The following BCL2L14 variants were observed in gnomAD, a reference collection of about 807,000 sequenced individuals.
BCL2L14 encodes the protein apoptosis facilitator Bcl-2-like protein 14.
BCL2L14 carries 27 observed loss-of-function variants against 35.3 expected under a neutral mutation model. That is an observed-to-expected ratio of 0.76 (90% CI 0.56 to 1.05). The LOEUF (loss-of-function observed/expected upper bound fraction) is 1.05, where lower values mean the gene tolerates loss of function less well. Among genes scored for constraint, BCL2L14 ranks in the 50% least tolerant of loss-of-function variants. The probability of loss-of-function intolerance (pLI) is 0.00; values close to 1 mark genes in which losing one functional copy is unlikely to be tolerated. For synonymous variants in BCL2L14, 139 were observed against 145.9 expected (o/e 0.95, Z 0.34); for missense variants, 377 against 382.6 (o/e 0.99, Z 0.12).
intron 2 of BCL2L14, among the ~76,000 whole-genome samples, chr12:12,061,749 G>C (rs368282603): frequency 0.021 from 3,197 of 151,518 alleles, 125 homozygotes; most frequent in African/African-American, 0.072. Context: ...TGTACTGCCG[G>C]AAGGCTTCAC....
At chr12:12,079,924 C>G (rs4763777) in intron 2 of BCL2L14, among the ~76,000 whole-genome samples, 186 bp downstream of exon 2, 64,277 of 152,130 alleles carry the variant, frequency 0.42, 13,951 homozygotes, top group East Asian at 0.64. Context: ...GGAGTTGCTG[C>G]CTGGGCGCGG....
chr12:12,057,397 GCCCATT>G (rs1948448538), intron 2 of BCL2L14, among the ~76,000 whole-genome samples: 1 of 152,078 alleles, frequency 6.6e-6, no homozygotes, highest in Admixed American at 6.6e-5. Flanking sequence ...TAATCTCTTT[GCCCATT>G]GCAAATCTTT....
intron 2 of BCL2L14, among the ~76,000 whole-genome samples, chr12:12,081,857 G>A (rs923000173): frequency 6.6e-6 from 1 of 152,034 alleles, no homozygotes; most frequent in Admixed American, 6.6e-5. Context: ...GCACCCAGCC[G>A]CAAAGCCAGA....
At chr12:12,072,560 A>C (rs561319429) in intron 1 of BCL2L14, 3 of 152,340 alleles carry the variant, frequency 2.0e-5, no homozygotes, top group Admixed American at 6.5e-5. Context: ...TGCGGCCCTG[A>C]ATTAGAATAA....
Position 12,084,225 on chromosome 12 carries a change from C to T in BCL2L14, c.434-2988C>T, listed in dbSNP as rs186546836. The stretch of plus-strand genomic sequence containing the variant: ...GGCCTCGCCTTGGCCTCCCAAAATG[C>T]TGGGATTACGGGCGTGAGCCACCGC... On this transcript the variant is annotated intron_variant, in intron 2 of 5. Transcript: ENST00000308721. Among the ~76,000 whole-genome samples, 137 of 152,318 alleles carry T rather than the reference C, an allele frequency of 9.0e-4. 1 individual carries two copies. Among genetic ancestry groups the T allele is most frequent in the Middle Eastern group, 3.4e-3 (1 of 294 alleles).
chr12:12,090,690 A>T, intron 3 of BCL2L14, 89 bp from the exon 4 acceptor site: 1 of 980,394 alleles, frequency 1.0e-6, no homozygotes, highest in South Asian at 1.6e-5. Flanking sequence ...TCCAGCCCTT[A>T]CCAAGCCACA....
intron 2 of BCL2L14, 81 bp downstream of exon 2, chr12:12,079,819 T>C (rs1948871936): frequency 2.8e-6 from 4 of 1,420,814 alleles, no homozygotes; most frequent in African/African-American, 2.9e-5. Context: ...TCTTCTCATG[T>C]TGTAAAGTGG....
At chr12:12,084,246 A>G (rs1259697653) in intron 2 of BCL2L14, among the ~76,000 whole-genome samples, 1 of 152,196 alleles carries the variant, frequency 6.6e-6, no homozygotes, top group African/African-American at 2.4e-5. Flanking sequence ...GGCGTGAGCC[A>G]CCGCACCCAG....
intron 1 of BCL2L14, among the ~76,000 whole-genome samples, chr12:12,050,927 C>G (rs1385301369): frequency 2.6e-5 from 4 of 151,472 alleles, no homozygotes; most frequent in African/African-American, 4.8e-5. Context: ...TCATGCAGCC[C>G]GTGGAAGCTT....
chr12:12,061,740 G>A (rs906131558), intron 2 of BCL2L14, among the ~76,000 whole-genome samples: 1 of 152,160 alleles, frequency 6.6e-6, no homozygotes, highest in Non-Finnish European at 1.5e-5. Context: ...TACCTGGGCT[G>A]TACTGCCGGA....
chr12:12,067,702 A>T (rs1267148548), upstream of BCL2L14, among the ~76,000 whole-genome samples: 1 of 152,182 alleles, frequency 6.6e-6, no homozygotes, highest in Non-Finnish European at 1.5e-5. Context: ...GGCAATCCTT[A>T]TTATGACCCT....
At chr12:12,095,045 A>C in intron 5 of BCL2L14, 115 bp downstream of exon 5, 5 of 1,459,144 alleles carry the variant, frequency 3.4e-6, no homozygotes, top group Non-Finnish European at 3.6e-6. Flanking sequence ...TCATGAGTTT[A>C]GGACACTTGA....
intron 2 of BCL2L14, among the ~76,000 whole-genome samples, chr12:12,081,593 C>G (rs1184251001): frequency 6.7e-6 from 1 of 148,578 alleles, no homozygotes; most frequent in African/African-American, 2.5e-5. Context: ...GAGTCTTGCT[C>G]TGTCGCCCAG....
At chr12:12,063,969 GCTGA>G (rs1948564121) in intron 2 of BCL2L14, among the ~76,000 whole-genome samples, 1 of 150,710 alleles carries the variant, frequency 6.6e-6, no homozygotes. Context: ...ATCTCCCTTC[GCTGA>G]CTCTCTTTTC....
chr12:12,069,413 T>C, upstream of BCL2L14, among the ~76,000 whole-genome samples: 1 of 151,982 alleles, frequency 6.6e-6, no homozygotes, highest in Middle Eastern at 3.4e-3. Flanking sequence ...AGGTTGCAAG[T>C]TTTTGGCCAG....
At chr12:12,087,529 G>T (rs1949074446) in intron 3 of BCL2L14, 143 bp downstream of exon 3, 1 of 939,896 alleles carries the variant, frequency 1.1e-6, no homozygotes, top group South Asian at 1.8e-5. Flanking sequence ...TGGGCAATGA[G>T]CTCCAGCTTG....
At chr12:12,056,701 T>A (rs56341318) in intron 2 of BCL2L14, among the ~76,000 whole-genome samples, 31,557 of 152,064 alleles carry the variant, frequency 0.21, 4,097 homozygotes, top group Non-Finnish European at 0.29. Flanking sequence ...GGCGTGGTGG[T>A]AGGCGCCTGT....
At chr12:12,059,639 C>G (rs1948492161) in intron 2 of BCL2L14, among the ~76,000 whole-genome samples, 1 of 151,948 alleles carries the variant, frequency 6.6e-6, no homozygotes, top group Non-Finnish European at 1.5e-5. Context: ...TGTCTCTACT[C>G]TTTTCTCTGG....
At chr12:12,050,663 A>G (rs1948338847) in intron 1 of BCL2L14, among the ~76,000 whole-genome samples, 1 of 151,702 alleles carries the variant, frequency 6.6e-6, no homozygotes, top group Non-Finnish European at 1.5e-5. Flanking sequence ...GAAGAACTAC[A>G]GAAACTATAG....
Sources: gnomAD v4.1 joint callset for allele counts (sites outside exome capture counted in the v4.1 genomes callset) on GRCh38, gnomAD v4.1.1 for gene constraint, MANE v1.5 for transcripts, NCBI Gene and HGNC (gene_info 2026-07-23, HGNC 2026-07-21) for gene names.